Variants in IL1RAPL2 observed in about 807,000 individuals in gnomAD.
IL1RAPL2 encodes the protein interleukin 1 receptor accessory protein like 2, also known as X-linked interleukin-1 receptor accessory protein-like 2.
In IL1RAPL2, 3 loss-of-function variants were observed where a neutral mutation model predicts 44.1. That is an observed-to-expected ratio of 0.07 (90% CI 0.03 to 0.18). IL1RAPL2 has a LOEUF of 0.18. Among genes scored for constraint, IL1RAPL2 ranks in the 10% least tolerant of loss-of-function variants. IL1RAPL2 has a pLI of 1.00. For synonymous variants in IL1RAPL2, 181 were observed against 178.8 expected, an observed-to-expected ratio of 1.01 and a Z score of -0.10; for missense variants, 391 against 496.4, an observed-to-expected ratio of 0.79 and a Z score of 2.02.
At chrX:104,931,996 A>ATT (rs34874206) in intron 2 of IL1RAPL2, among the ~76,000 whole-genome samples, 5,313 of 84,726 alleles carry the variant, frequency 0.063, 195 homozygotes, top group Non-Finnish European at 0.088. Flanking sequence ...ATATATATAT[A>ATT]TTTTTTTTTT....
chrX:105,708,961 A>G (rs763753015), intron 6 of IL1RAPL2, among the ~76,000 whole-genome samples: 1 of 112,447 alleles, frequency 8.9e-6, no homozygotes, highest in South Asian at 3.6e-4. Context: ...TTGCAACTAT[A>G]TGCACATTTG....
At chrX:104,972,480 G>C (rs1206138730) in intron 2 of IL1RAPL2, among the ~76,000 whole-genome samples, 1 of 111,726 alleles carries the variant, frequency 9.0e-6, no homozygotes, top group Non-Finnish European at 1.9e-5. Context: ...CTTGAGGATT[G>C]CTATCATTAG....
At chrX:105,089,740 C>T (rs1245095090) in intron 2 of IL1RAPL2, among the ~76,000 whole-genome samples, 1 of 111,682 alleles carries the variant, frequency 9.0e-6, no homozygotes, top group Non-Finnish European at 1.9e-5. Context: ...TCCAGTACTT[C>T]ATTTAATCCT....
intron 2 of IL1RAPL2, among the ~76,000 whole-genome samples, chrX:105,144,208 C>T (rs2033158137): frequency 9.4e-6 from 1 of 106,246 alleles, no homozygotes; most frequent in African/African-American, 3.4e-5. Context: ...GCCAATCTTT[C>T]CTGTGCTCTT....
intron 5 of IL1RAPL2, among the ~76,000 whole-genome samples, chrX:105,338,124 T>G (rs979609158): frequency 2.7e-5 from 3 of 111,862 alleles, no homozygotes; most frequent in African/African-American, 9.7e-5. Context: ...TGTTATCTAT[T>G]TAAAGATTAA....
intron 4 of IL1RAPL2, among the ~76,000 whole-genome samples, chrX:105,264,667 A>G (rs1196862663): frequency 7.1e-5 from 8 of 112,046 alleles, no homozygotes; most frequent in African/African-American, 2.6e-4. Flanking sequence ...GTGCTGCCCA[A>G]CAAGAATGTA....
intron 5 of IL1RAPL2, among the ~76,000 whole-genome samples, chrX:105,294,902 G>T (rs984528327): frequency 5.4e-5 from 6 of 111,708 alleles, no homozygotes; most frequent in Non-Finnish European, 1.9e-5. Context: ...TTCTGTGTGT[G>T]GGTGTTGACA....
At chrX:105,406,971 G>A in intron 5 of IL1RAPL2, 1 of 1,104,849 alleles carries the variant, frequency 9.1e-7, no homozygotes, top group East Asian at 3.0e-5. Context: ...AAGCCAACCT[G>A]AGAGGGTCCA....
At chrX:104,919,070 A>T (rs1924548064) in intron 2 of IL1RAPL2, among the ~76,000 whole-genome samples, 1 of 111,491 alleles carries the variant, frequency 9.0e-6, no homozygotes, top group African/African-American at 3.3e-5. Context: ...AGATCTACGT[A>T]TGTAACATGA....
chrX:105,376,822 G>C (rs1331844188), intron 5 of IL1RAPL2, among the ~76,000 whole-genome samples: 1 of 111,727 alleles, frequency 9.0e-6, no homozygotes, highest in Non-Finnish European at 1.9e-5. Context: ...AAGTAATTTT[G>C]TCTTATTGAA....
intron 6 of IL1RAPL2, among the ~76,000 whole-genome samples, chrX:105,706,613 C>T (rs1445188633): frequency 1.8e-5 from 2 of 111,038 alleles, no homozygotes; most frequent in African/African-American, 6.5e-5. Flanking sequence ...AATGTAAAGA[C>T]CCAGAGCTGG....
At chrX:105,161,218 A>AAATAATAATAATAATAAT (rs34426902) in intron 2 of IL1RAPL2, among the ~76,000 whole-genome samples, 1,791 of 100,988 alleles carry the variant, frequency 0.018, 47 homozygotes, top group African/African-American at 0.06. Flanking sequence ...ACCCTGTCTC[A>AAATAATAATAATAATAAT]AATAATAATA....
intron 2 of IL1RAPL2, among the ~76,000 whole-genome samples, chrX:104,814,414 C>A (rs1435280582): frequency 1.8e-5 from 2 of 111,918 alleles, no homozygotes; most frequent in African/African-American, 6.5e-5. Flanking sequence ...GATTTTGTTT[C>A]CCTAACAGGA....
rs774706187 is a variant in IL1RAPL2 at position 105,315,535 on chromosome X, G to C, written c.697+47994G>C. On this transcript the variant is annotated intron_variant, in intron 5 of 10. Coordinates refer to ENST00000372582, the MANE Select transcript of IL1RAPL2 (RefSeq NM_017416.2). ...CATCACAAAAGAAAACCCCATACCT[G>C]TTTTATTAGTCAGGGTTCCCTAGAG... Among the ~76,000 whole-genome samples, 329 of 74,264 alleles carry C rather than the reference G, an allele frequency of 4.4e-3. 5 individuals are homozygous for C. The highest frequency in any genetic ancestry group is 4.0e-3 in the Non-Finnish European group (151 of 37,690). The allele number at this position is 74,264 out of a possible 115,157, so 64.5% of individuals were successfully genotyped here. A position where few individuals can be genotyped will look rare whatever the true frequency, so the allele number is the denominator to read the frequency against.
chrX:104,748,887 A>G (rs1932214950), intron 2 of IL1RAPL2, among the ~76,000 whole-genome samples: 1 of 111,600 alleles, frequency 9.0e-6, no homozygotes, highest in Non-Finnish European at 1.9e-5. Context: ...ATTGATAATT[A>G]ATAGATTTGG....
chrX:104,707,090 C>T (rs901572910), intron 2 of IL1RAPL2, among the ~76,000 whole-genome samples: 2 of 111,113 alleles, frequency 1.8e-5, no homozygotes, highest in Non-Finnish European at 1.9e-5. Flanking sequence ...ACCCTCTTTC[C>T]CTAGGGCATG....
chrX:104,879,702 T>C (rs1306624776), intron 2 of IL1RAPL2, among the ~76,000 whole-genome samples: 1 of 111,963 alleles, frequency 8.9e-6, no homozygotes, highest in Non-Finnish European at 1.9e-5. Flanking sequence ...TGGAATTTTA[T>C]GTTGTATTTT....
At position 105,503,890 on chromosome X, in the gene IL1RAPL2, A is replaced by G. The variant is rs2036413233; in HGVS notation, c.772+19503A>G. On this transcript the variant is annotated intron_variant, in intron 6 of 10. Transcript: ENST00000372582. ...CTCCTTGTGTCTCCTTTTGTCTTCA[A>G]ATTTCACTCTTCATGTAAGGTCACC... Among the ~76,000 whole-genome samples, 3 of 111,393 alleles carry G rather than the reference A, an allele frequency of 2.7e-5. No individual in the cohort carries two copies. In the Admixed American group the frequency reaches 2.9e-4, roughly 11 times the overall value.
intron 2 of IL1RAPL2, among the ~76,000 whole-genome samples, chrX:105,163,388 G>A (rs935021954): frequency 6.3e-5 from 7 of 111,455 alleles, no homozygotes; most frequent in African/African-American, 2.3e-4. Context: ...AATACAAAAG[G>A]GTCAACTGAC....
Sources: allele counts gnomAD v4.1 joint callset (sites outside exome capture counted in the v4.1 genomes callset), GRCh38; gene constraint gnomAD v4.1.1; transcripts MANE v1.5; gene names NCBI Gene and HGNC (gene_info 2026-07-23, HGNC 2026-07-21).